The following ANTXR1 variants were observed in gnomAD, a reference collection of about 807,000 sequenced individuals.
ANTXR1 encodes ANTXR cell adhesion molecule 1, also known as anthrax toxin receptor 1.
A neutral mutation model predicts 78.1 loss-of-function variants in ANTXR1; 19 were observed. That is an observed-to-expected ratio of 0.24 (90% CI 0.17 to 0.36). ANTXR1 has a LOEUF of 0.36. Ranked by LOEUF, ANTXR1 falls within the 10% of genes least tolerant of loss-of-function variation. The pLI, the probability that ANTXR1 is intolerant of heterozygous loss-of-function variation, is 1.00. For missense variants in ANTXR1, 518 were observed against 718.6 expected (o/e 0.72, Z 3.19); for synonymous variants, 273 against 260.5 (o/e 1.05, Z -0.46).
At chr2:69,066,609 A>G (rs1294298459) in intron 3 of ANTXR1, among the ~76,000 whole-genome samples, 1 of 152,246 alleles carries the variant, frequency 6.6e-6, no homozygotes, top group Non-Finnish European at 1.5e-5. Context: ...CCCAGAAGAC[A>G]TTGTGACTGA....
At chr2:69,090,222 G>A (rs545699375) in intron 8 of ANTXR1, among the ~76,000 whole-genome samples, 9 of 151,808 alleles carry the variant, frequency 5.9e-5, no homozygotes, top group Middle Eastern at 3.4e-3. Flanking sequence ...GACCATTTCC[G>A]TCCTATCTCT....
At position 69,078,120 on chromosome 2, in the gene ANTXR1, C is replaced by T. The variant is rs540929944; in HGVS notation, c.642+632C>T. On this transcript the variant is annotated intron_variant, in intron 8 of 17. Coordinates refer to ENST00000303714, the MANE Select transcript of ANTXR1 (RefSeq NM_032208.3). ...CACACATAGGTGATTTTCTTCACAC[C>T]TTTTCCTGAATAGTAAACAGGACAC... 2.0e-5 allele frequency among the ~76,000 whole-genome samples: 3 copies of T among 152,312 alleles called. No homozygotes were observed. In the East Asian group the frequency reaches 5.8e-4, roughly 29 times the overall value.
At chr2:69,100,118 G>A (rs983318307) in intron 9 of ANTXR1, among the ~76,000 whole-genome samples, 3 of 152,210 alleles carry the variant, frequency 2.0e-5, no homozygotes, top group Non-Finnish European at 2.9e-5. Flanking sequence ...AAACACAGCT[G>A]TACATATTTT....
intron 7 of ANTXR1, chr2:69,077,147 C>A: frequency 1.8e-6 from 1 of 546,326 alleles, no homozygotes; most frequent in Non-Finnish European, 3.3e-6. Context: ...AAGCTGGGCG[C>A]TCTTACCTCT....
At chr2:69,056,265 A>G (rs969343922) in intron 3 of ANTXR1, among the ~76,000 whole-genome samples, 2 of 152,172 alleles carry the variant, frequency 1.3e-5, no homozygotes, top group Non-Finnish European at 2.9e-5. Context: ...GTACTGGTCA[A>G]CATCCACATT....
In ANTXR1 at chr2:69,249,071, A is replaced by C. The variant is rs1164256189; in HGVS notation, c.*3586A>C. ...CTCTGAGTCATTGTTATAAAAAATC[A>C]GTTATCACTATACCATGCTATAGGA... On this transcript the variant is annotated 3_prime_UTR_variant, in exon 18 of 18. Transcript: ENST00000303714. 2 of 152,256 alleles carry C rather than the reference A, an allele frequency of 1.3e-5. No individual in the cohort carries two copies. Among genetic ancestry groups the C allele is most frequent in the African/African-American group, 4.8e-5 (2 of 41,476 alleles). The allele number at this position is 152,256 out of a possible 1,614,324, so 9.4% of individuals were successfully genotyped here.
chr2:69,171,865 T>A (rs185956072), intron 14 of ANTXR1, among the ~76,000 whole-genome samples: 28 of 152,098 alleles, frequency 1.8e-4, no homozygotes, highest in African/African-American at 5.1e-4. Context: ...AGTAGTTGAG[T>A]TTTTTCTGTT....
intron 2 of ANTXR1, 54 bp from the exon 3 acceptor site, chr2:69,044,688 A>G: frequency 6.4e-7 from 1 of 1,565,300 alleles, no homozygotes; most frequent in Non-Finnish European, 8.8e-7. Flanking sequence ...GCCTGAAGGG[A>G]GTGGCATGCG....
chr2:69,152,372 C>A, intron 13 of ANTXR1, 108 bp downstream of exon 13: 1 of 1,165,238 alleles, frequency 8.6e-7, no homozygotes, highest in Non-Finnish European at 1.3e-6. Context: ...GGAGACAAAT[C>A]TTGCATTTTT....
intron 6 of ANTXR1, among the ~76,000 whole-genome samples, chr2:69,073,610 T>C (rs1670638766): frequency 6.6e-6 from 1 of 152,230 alleles, no homozygotes; most frequent in South Asian, 2.1e-4. Flanking sequence ...TAGTTCCTTT[T>C]TTTCTTTTTC....
At chr2:69,087,300 A>G (rs913542225) in intron 8 of ANTXR1, among the ~76,000 whole-genome samples, 3 of 152,148 alleles carry the variant, frequency 2.0e-5, no homozygotes, top group African/African-American at 7.2e-5. Flanking sequence ...ATCTCATTTA[A>G]TCTTCCCACA....
At chr2:69,151,122 G>A (rs1042707180) in intron 12 of ANTXR1, among the ~76,000 whole-genome samples, 1 of 142,514 alleles carries the variant, frequency 7.0e-6, no homozygotes, top group Non-Finnish European at 1.5e-5. Context: ...TTCCCCAATT[G>A]TTAACCATTT....
In ANTXR1 at chr2:69,246,710, A is replaced by T. The variant is rs1274656515; in HGVS notation, c.*1225A>T. 6.6e-6 allele frequency: 1 copy of T among 152,232 alleles called. No individual in the cohort carries two copies. The highest frequency in any genetic ancestry group is 1.5e-5 in the Non-Finnish European group (1 of 68,032). The allele number at this position is 152,232 out of a possible 1,614,324, so 9.4% of individuals were successfully genotyped here. A position where few individuals can be genotyped will look rare whatever the true frequency, so the allele number is the denominator to read the frequency against. ...TCTGCCTGAAATTTCCACCATGCCT[A>T]GGACTCACCCCATTTATCCAGGTCT... On this transcript the variant is annotated 3_prime_UTR_variant, in exon 18 of 18. Transcript: ENST00000303714.
rs1447420765 is a variant in ANTXR1 at position 69,091,326 on chromosome 2, A to G, written c.703+407A>G. On this transcript the variant is annotated intron_variant, in intron 9 of 17. Coordinates refer to ENST00000303714, the MANE Select transcript of ANTXR1 (RefSeq NM_032208.3). ...TGTGATGGCGCTTGCCTATAATCCC[A>G]GCTACTCGGGAGGCTGAGGAAGGAG... Among the ~76,000 whole-genome samples the G allele has an allele frequency of 2.0e-5, 3 of 151,584 alleles. No homozygotes were observed. In the East Asian group the frequency reaches 5.8e-4, roughly 30 times the overall value.
At chr2:69,141,005 AGCT>A (rs1431420314) in intron 12 of ANTXR1, among the ~76,000 whole-genome samples, 2 of 152,216 alleles carry the variant, frequency 1.3e-5, no homozygotes, top group African/African-American at 4.8e-5. Flanking sequence ...ATGGTTGATC[AGCT>A]TTGATCAAGG....
At chr2:69,215,819 ATTC>A (rs1184779090) in intron 17 of ANTXR1, among the ~76,000 whole-genome samples, 2 of 152,234 alleles carry the variant, frequency 1.3e-5, no homozygotes, top group Non-Finnish European at 2.9e-5. Flanking sequence ...CCTCTCTCCC[ATTC>A]TTCTTCAAAT....
At chr2:69,201,962 C>T (rs543844782) in intron 17 of ANTXR1, among the ~76,000 whole-genome samples, 45 of 152,214 alleles carry the variant, frequency 3.0e-4, no homozygotes, top group African/African-American at 1.0e-3. Flanking sequence ...TAGGGACCTG[C>T]GAGTACATGC....
At chr2:69,131,502 A>G (rs10172679) in intron 12 of ANTXR1, among the ~76,000 whole-genome samples, 58,095 of 152,114 alleles carry the variant, frequency 0.38, 13,164 homozygotes, top group African/African-American at 0.63. Flanking sequence ...GGAAACAACT[A>G]GAGAGTTGTC....
At chr2:69,124,783 C>G in intron 12 of ANTXR1, 140 bp downstream of exon 12, 3 of 838,172 alleles carry the variant, frequency 3.6e-6, no homozygotes, top group Non-Finnish European at 5.9e-6. Flanking sequence ...GATCCCAGCA[C>G]TGCTCCACCA....
Sources: allele counts gnomAD v4.1 joint callset (sites outside exome capture counted in the v4.1 genomes callset), GRCh38; gene constraint gnomAD v4.1.1; transcripts MANE v1.5; gene names NCBI Gene and HGNC (gene_info 2026-07-23, HGNC 2026-07-21).